MYO18B: variants seen among roughly 807,000 people sequenced by gnomAD.
The protein encoded by MYO18B is unconventional myosin-XVIIIb.
MYO18B carries 204 observed loss-of-function variants against 273.0 expected under a neutral mutation model. The observed-to-expected ratio is 0.75, with a 90% CI of 0.67 to 0.84. The LOEUF (loss-of-function observed/expected upper bound fraction) is 0.84, where lower values mean the gene tolerates loss of function less well. Ranked by LOEUF, MYO18B falls within the 40% of genes least tolerant of loss-of-function variation. The pLI is 0.00. For synonymous variants in MYO18B, 1,330 were observed against 1,305.7 expected (o/e 1.02, Z -0.40); for missense variants, 3,212 against 3,287.6 (o/e 0.98, Z 0.56).
intron 27 of MYO18B, among the ~76,000 whole-genome samples, chr22:25,894,342 T>C (rs1308994949): frequency 6.6e-6 from 1 of 152,200 alleles, no homozygotes; most frequent in South Asian, 2.1e-4. Context: ...GGATGGATGA[T>C]AGATGAATAA....
chr22:26,010,711 C>T (rs1195602097), intron 42 of MYO18B, among the ~76,000 whole-genome samples: 1 of 152,110 alleles, frequency 6.6e-6, no homozygotes, highest in Non-Finnish European at 1.5e-5. Flanking sequence ...GCTGCTGTGC[C>T]AAAGGCATGG....
chr22:25,999,774 GC>G (rs1315182893), intron 40 of MYO18B, among the ~76,000 whole-genome samples: 1 of 151,670 alleles, frequency 6.6e-6, no homozygotes, highest in Non-Finnish European at 1.5e-5. Flanking sequence ...TTCTGCCTCA[GC>G]CTCCCGAGTA....
intron 17 of MYO18B, among the ~76,000 whole-genome samples, chr22:25,841,056 C>T (rs938078256): frequency 2.6e-5 from 4 of 152,214 alleles, no homozygotes; most frequent in African/African-American, 9.7e-5. Flanking sequence ...ACCCAGGGCT[C>T]GCTGTTCATG....
In MYO18B at chr22:26,030,482, A is replaced by G. The variant is rs1428176634; in HGVS notation, c.*52A>G. ...CCCTTGAAGACTTCCCGACTCTACA[A>G]TAACTTGGAGACAGAGAGACTGGCC... On this transcript the variant is annotated 3_prime_UTR_variant, in exon 44 of 44. Transcript: ENST00000335473. 6.3e-6 allele frequency: 1 copy of G among 159,354 alleles called. No individual in the cohort carries two copies. Among genetic ancestry groups the G allele is most frequent in the Non-Finnish European group, 1.4e-5 (1 of 72,736 alleles). The allele number at this position is 159,354 out of a possible 1,614,324, so 9.9% of individuals were successfully genotyped here.
chr22:25,975,257 A>G (rs1361538413), intron 39 of MYO18B, among the ~76,000 whole-genome samples: 1 of 152,218 alleles, frequency 6.6e-6, no homozygotes, highest in Non-Finnish European at 1.5e-5. Context: ...GAGTCAATAA[A>G]TGAATAAATG....
the MYO18B span, among the ~76,000 whole-genome samples, chr22:26,037,608 C>T: frequency 2.0e-5 from 3 of 152,186 alleles, no homozygotes; most frequent in Non-Finnish European, 4.4e-5. Context: ...TAACACAGCA[C>T]TGAGCCCTAG....
At chr22:25,997,960 C>CACAA (rs1555985021) in intron 40 of MYO18B, among the ~76,000 whole-genome samples, 3 of 134,014 alleles carry the variant, frequency 2.2e-5, no homozygotes, top group African/African-American at 9.1e-5. Context: ...CACACACAAA[C>CACAA]ACACACACAC....
chr22:26,012,704 TA>T (rs1935006279), intron 42 of MYO18B, among the ~76,000 whole-genome samples: 1 of 152,178 alleles, frequency 6.6e-6, no homozygotes, highest in Non-Finnish European at 1.5e-5. Context: ...ATGGACCTTT[TA>T]GAAAATTTGA....
chr22:26,063,066 C>T, the MYO18B span, among the ~76,000 whole-genome samples: 1 of 152,160 alleles, frequency 6.6e-6, no homozygotes, highest in African/African-American at 2.4e-5. Flanking sequence ...TCTACATGTG[C>T]CCTAAATTTC....
intron 21 of MYO18B, among the ~76,000 whole-genome samples, chr22:25,865,901 A>C (rs891491279): frequency 1.3e-5 from 2 of 149,790 alleles, no homozygotes; most frequent in African/African-American, 4.9e-5. Context: ...TATATTTTGG[A>C]TATATTGGTT....
chr22:26,056,563 A>G, the MYO18B span, among the ~76,000 whole-genome samples: 491 of 152,286 alleles, frequency 3.2e-3, 7 homozygotes, highest in African/African-American at 0.011. Flanking sequence ...GAGCCACAAG[A>G]ATCTAACTTG....
At chr22:25,888,766 T>C (rs943572683) in intron 25 of MYO18B, among the ~76,000 whole-genome samples, 1 of 152,198 alleles carries the variant, frequency 6.6e-6, no homozygotes, top group Non-Finnish European at 1.5e-5. Context: ...TTACATGTGA[T>C]GTGACTTTGC....
intron 21 of MYO18B, among the ~76,000 whole-genome samples, chr22:25,854,352 C>A (rs141783226): frequency 3.2e-4 from 48 of 152,124 alleles, no homozygotes; most frequent in Admixed American, 1.2e-3. Flanking sequence ...TGAGCTAAGA[C>A]AGTATTCAAA....
chr22:25,792,481 CTTTTTTTTTTCTTTTCTT>C (rs1369337910), intron 11 of MYO18B, among the ~76,000 whole-genome samples: 1 of 54,416 alleles, frequency 1.8e-5, no homozygotes, highest in Non-Finnish European at 4.5e-5. Context: ...TGTGATGTTT[CTTTTTTTTTTCTTTTCTT>C]TTTTTTTTTT....
At position 25,823,632 on chromosome 22, in the gene MYO18B, G is replaced by A. The variant is rs767778280; in HGVS notation, c.2649G>A (p.Thr883=). ...TTCGACAGATCATCCAGCAAATGAC[G>A]TTTGGGCCAAGCCGATGGGGCCTCG... ...HHLRQIIQQM[T]FGPSRWGLED... The change falls in exon 13 of 44, where the codon ACG becomes ACA. Residue 883 remains threonine (T), a synonymous_variant. Transcript: ENST00000335473. The A allele has an allele frequency of 1.2e-5, 19 of 1,613,834 alleles. No homozygotes were observed. The highest frequency in any genetic ancestry group is 2.2e-5 in the South Asian group (2 of 91,076).
chr22:26,032,751 G>A (rs113778539), downstream of MYO18B, among the ~76,000 whole-genome samples: 5,559 of 151,934 alleles, frequency 0.037, 360 homozygotes, highest in African/African-American at 0.13. Flanking sequence ...TTGAACTCCC[G>A]ACCTCAGGTG....
At chr22:25,757,444 G>A (rs1301035533) in intron 1 of MYO18B, among the ~76,000 whole-genome samples, 3 of 151,066 alleles carry the variant, frequency 2.0e-5, no homozygotes, top group East Asian at 2.0e-4. Context: ...AAAAATTAGC[G>A]GGCGTGGTGG....
At chr22:25,841,040 C>T (rs1405239938) in intron 17 of MYO18B, among the ~76,000 whole-genome samples, 3 of 152,198 alleles carry the variant, frequency 2.0e-5, no homozygotes, top group Admixed American at 6.5e-5. Context: ...TGGGGCATTC[C>T]GGCTAACCCA....
At chr22:25,989,266 G>A (rs906818997) in intron 39 of MYO18B, among the ~76,000 whole-genome samples, 1 of 152,122 alleles carries the variant, frequency 6.6e-6, no homozygotes, top group African/African-American at 2.4e-5. Context: ...TCCCGGCGGC[G>A]TGACCTCAGA....
Sources: gnomAD v4.1 joint callset for allele counts (sites outside exome capture counted in the v4.1 genomes callset) on GRCh38, gnomAD v4.1.1 for gene constraint, MANE v1.5 for transcripts, NCBI Gene and HGNC (gene_info 2026-07-23, HGNC 2026-07-21) for gene names.